The following CFAP74 variants were observed in gnomAD, a reference collection of about 807,000 sequenced individuals.
CFAP74 encodes the protein cilia and flagella associated protein 74, also known as cilia- and flagella-associated protein 74.
CFAP74 carries 124 observed loss-of-function variants against 188.9 expected under a neutral mutation model. The observed-to-expected ratio is 0.66, with a 90% CI of 0.57 to 0.76. The LOEUF is 0.76. Among genes scored for constraint, CFAP74 ranks in the 30% least tolerant of loss-of-function variants. The pLI is 0.00. For missense variants in CFAP74, 2,198 were observed against 2,165.2 expected (o/e 1.02, Z -0.30); for synonymous variants, 956 against 916.7 (o/e 1.04, Z -0.77).
rs1651419765 is a variant in CFAP74, at chr1:1,921,984, G to C, written c.*303C>G. The C allele has an allele frequency of 5.1e-6, 2 of 388,490 alleles. No individual in the cohort carries two copies. Among genetic ancestry groups the C allele is most frequent in the South Asian group, 6.5e-5 (2 of 30,820 alleles). The allele number at this position is 388,490 out of a possible 1,614,324, so 24.1% of individuals were successfully genotyped here. On this transcript the variant is annotated 3_prime_UTR_variant, in exon 39 of 39. Transcript: ENST00000682832. Reference sequence around the variant, plus strand: ...TTGGCCTACAAAAAATTTATTGACAGGCTGTGGAGGGCTCTCCTGGGGGCT... The same window carrying C: ...TTGGCCTACAAAAAATTTATTGACACGCTGTGGAGGGCTCTCCTGGGGGCT...
chr1:1,993,198 CAA>C (rs58970740), intron 1 of CFAP74, among the ~76,000 whole-genome samples: 4,622 of 90,456 alleles, frequency 0.051, 205 homozygotes, highest in African/African-American at 0.14. Flanking sequence ...AAGACTGTCT[CAA>C]AAAAAAAAAA....
Position 1,921,961 on chromosome 1 carries a change from G to A in CFAP74, c.*326C>T. 3.0e-6 allele frequency: 1 copy of A among 328,438 alleles called. No individual in the cohort carries two copies. The highest frequency in any genetic ancestry group is 3.6e-5 in the South Asian group (1 of 28,064). The allele number at this position is 328,438 out of a possible 1,614,324, so 20.3% of individuals were successfully genotyped here. A position where few individuals can be genotyped will look rare whatever the true frequency, so the allele number is the denominator to read the frequency against. On this transcript the variant is annotated 3_prime_UTR_variant, in exon 39 of 39. Transcript: ENST00000682832. ...ACCCACACTGCAGGCTGCATGTGTT[G>A]GCCTACAAAAAATTTATTGACAGGC...
Position 1,926,707 on chromosome 1 carries a change from A to G in CFAP74, c.3717T>C (p.Val1239=), listed in dbSNP as rs772898046. ...ELWCPTVAPS[V]VVTSHKGKTI... is the part of the protein sequence containing the mutation. Reference sequence around the variant, plus strand: ...TCTTGCCTTTATGGGACGTCACCACAACAGATGGTGCCACCGTCGGGCACC... The same window carrying G: ...TCTTGCCTTTATGGGACGTCACCACGACAGATGGTGCCACCGTCGGGCACC... The change falls in exon 30 of 39, where the codon GTT becomes GTC. Residue 1239 remains valine, a synonymous_variant. Transcript: ENST00000682832. 39 of 1,549,968 alleles carry G rather than the reference A, an allele frequency of 2.5e-5. No homozygotes were observed. The highest frequency in any genetic ancestry group is 3.2e-5 in the Non-Finnish European group (37 of 1,146,836).
rs772833233 is a variant in CFAP74, at chr1:1,966,448, C to A, written c.1324G>T (p.Gly442Trp). The A allele has an allele frequency of 1.9e-6, 3 of 1,605,896 alleles. No individual in the cohort carries two copies. Among genetic ancestry groups the A allele is most frequent in the South Asian group, 1.1e-5 (1 of 89,870 alleles). Residue 442 changes from glycine (G) to tryptophan (W), a missense_variant, in exon 12 of 39, where the codon GGG becomes TGG. Gly to Trp is a radical substitution (Grantham distance 184). Coordinates refer to ENST00000682832, the MANE Select transcript of CFAP74 (RefSeq NM_001304360.2). The stretch of plus-strand genomic sequence containing the variant: ...AACGTTTCCTCCTCTGAGCTGGCCC[C>A]GGGGTCCCCCTGGATAAGCTCACTG... ...VSSELIQGDP[G>W]ASSEEETLAE...
At chr1:1,977,737 C>G (rs998957577) in intron 6 of CFAP74, among the ~76,000 whole-genome samples, 2 of 147,844 alleles carry the variant, frequency 1.4e-5, no homozygotes, top group Non-Finnish European at 3.0e-5. Context: ...CTCAGCTGAT[C>G]GAGGAAACCT....
At chr1:1,934,154 T>C (rs1652632395) in intron 25 of CFAP74, among the ~76,000 whole-genome samples, 1 of 152,234 alleles carries the variant, frequency 6.6e-6, no homozygotes, top group Admixed American at 6.5e-5. Flanking sequence ...AGCCCCTCAG[T>C]ACTGGGTACA....
chr1:1,946,257 CAT>C (rs1486647616), intron 20 of CFAP74, 58 bp downstream of exon 20: 7 of 1,475,298 alleles, frequency 4.7e-6, no homozygotes, highest in Middle Eastern at 1.7e-4. Flanking sequence ...GCAGCTGCCA[CAT>C]GAGGCTGTGG....
At chr1:1,993,867 A>T (rs1207642453) in intron 1 of CFAP74, among the ~76,000 whole-genome samples, 2 of 151,174 alleles carry the variant, frequency 1.3e-5, no homozygotes, top group African/African-American at 4.9e-5. Flanking sequence ...CTATAGTCCC[A>T]GCTACTCGGG....
At chr1:1,982,507 C>T (rs1656966992) in intron 6 of CFAP74, among the ~76,000 whole-genome samples, 1 of 152,266 alleles carries the variant, frequency 6.6e-6, no homozygotes, top group Middle Eastern at 3.2e-3. Flanking sequence ...CAAACATCTG[C>T]TGGAGTGAAG....
chr1:1,962,346 G>C (rs1357295849), intron 14 of CFAP74, among the ~76,000 whole-genome samples: 13 of 151,902 alleles, frequency 8.6e-5, no homozygotes, highest in Admixed American at 7.9e-4. Context: ...CGTGGTGGCA[G>C]GCGCCTGTTA....
chr1:1,997,290 C>T (rs60910107), intron 1 of CFAP74, among the ~76,000 whole-genome samples: 8,898 of 152,010 alleles, frequency 0.059, 694 homozygotes, highest in African/African-American at 0.17. Flanking sequence ...GGCGTGGTGG[C>T]GCACGCCTGT....
rs142663200 is a variant in CFAP74, at chr1:1,990,990, C to T, written c.-19-15G>A. On this transcript the variant is annotated splice_polypyrimidine_tract_variant and intron_variant, in intron 1 of 38. Transcript: ENST00000682832. The stretch of plus-strand genomic sequence containing the variant: ...ATAGAAATTAGCTGCAAAAGATGAT[C>T]GCAAAATATAGATCAATAAAATCAT... 573 of 1,515,244 alleles carry T rather than the reference C, an allele frequency of 3.8e-4. No individual in the cohort carries two copies. Among genetic ancestry groups the T allele is most frequent in the Non-Finnish European group, 4.2e-4 (462 of 1,102,928 alleles). The allele number at this position is 1,515,244 out of a possible 1,614,324, so 93.9% of individuals were successfully genotyped here.
At chr1:1,929,986 C>A in intron 26 of CFAP74, 74 bp downstream of exon 26, 1 of 1,430,016 alleles carries the variant, frequency 7.0e-7, no homozygotes, top group Non-Finnish European at 9.3e-7. Context: ...GTGGGCAGAG[C>A]CAGACACCCC....
chr1:1,932,537 A>C (rs926414479), intron 25 of CFAP74, among the ~76,000 whole-genome samples: 16 of 151,862 alleles, frequency 1.1e-4, no homozygotes, highest in African/African-American at 3.6e-4. Flanking sequence ...ACTCACTAAA[A>C]TTATTTTTGA....
intron 33 of CFAP74, among the ~76,000 whole-genome samples, chr1:1,925,017 G>A (rs770734438): frequency 9.4e-5 from 14 of 148,936 alleles, no homozygotes; most frequent in Non-Finnish European, 1.6e-4. Context: ...GGCACACGCT[G>A]GTGTGAAGGC....
At chr1:1,936,217 CAAA>C (rs112657762) in intron 25 of CFAP74, among the ~76,000 whole-genome samples, 4 of 100,062 alleles carry the variant, frequency 4.0e-5, no homozygotes. Flanking sequence ...TGCTCCGTCT[CAAA>C]AAAAAAAAAA....
At position 1,964,991 on chromosome 1, in the gene CFAP74, G is replaced by A. The variant is rs766330644; in HGVS notation, c.1472C>T (p.Thr491Met). The A allele has an allele frequency of 5.8e-5, 93 of 1,613,844 alleles. 2 individuals carry two copies. Among genetic ancestry groups the A allele is most frequent in the South Asian group, 4.5e-4 (41 of 91,026 alleles). Residue 491 changes from threonine to methionine, a missense_variant, in exon 13 of 39, where the codon ACG (threonine) becomes ATG (methionine). Physicochemically the swap from Thr to Met is moderately conservative, Grantham distance 81. Coordinates refer to ENST00000682832, the MANE Select transcript of CFAP74 (RefSeq NM_001304360.2). ...CACCCTGCTCCGCAGCCGCTCCACCGTGCGCTCCAGGATGTCCTTGTCCAT... is the reference window on the plus strand; with the variant it reads ...CACCCTGCTCCGCAGCCGCTCCACCATGCGCTCCAGGATGTCCTTGTCCAT... Reference protein sequence around the residue: ...TKMDKDILERTVERLRSRVVH... With the variant: ...TKMDKDILERMVERLRSRVVH...
At position 1,926,890 on chromosome 1, in the gene CFAP74, G is replaced by T. The variant is rs1019905865; in HGVS notation, c.3662+4C>A. The T allele has an allele frequency of 7.7e-6, 12 of 1,549,956 alleles. No individual in the cohort carries two copies. Among genetic ancestry groups the T allele is most frequent in the African/African-American group, 1.4e-5 (1 of 73,152 alleles). ...CACCCTGTTCTGGCCAGAGCACCCC[G>T]CACCTGAAGCTCAGGGGTTCTGACC... is the stretch of plus-strand genomic sequence containing the variant. On this transcript the variant is annotated splice_donor_region_variant and intron_variant, in intron 29 of 38. Transcript: ENST00000682832.
intron 1 of CFAP74, among the ~76,000 whole-genome samples, chr1:1,994,750 C>T (rs1489165852): frequency 6.6e-6 from 1 of 152,184 alleles, no homozygotes; most frequent in Non-Finnish European, 1.5e-5. Context: ...TCACACTAAA[C>T]CATATACACT....
Sources: allele counts gnomAD v4.1 joint callset (sites outside exome capture counted in the v4.1 genomes callset), GRCh38; gene constraint gnomAD v4.1.1; transcripts MANE v1.5; gene names NCBI Gene and HGNC (gene_info 2026-07-23, HGNC 2026-07-21).